Variants in PCDHGA9 observed in about 807,000 individuals in gnomAD.
PCDHGA9 encodes protocadherin gamma-A9.
A neutral mutation model predicts 62.5 loss-of-function variants in PCDHGA9; 37 were observed. That is an observed-to-expected ratio of 0.59 (90% CI 0.46 to 0.78). The LOEUF is 0.78. Among genes scored for constraint, PCDHGA9 ranks in the 30% least tolerant of loss-of-function variants. The probability of loss-of-function intolerance (pLI) is 0.00; values close to 1 mark genes in which losing one functional copy is unlikely to be tolerated. For missense variants in PCDHGA9, 1,138 were observed against 1,166.2 expected (o/e 0.98, Z 0.35); for synonymous variants, 459 against 484.6 (o/e 0.95, Z 0.69).
At chr5:141,469,373 G>A (rs532041259) in intron 1 of PCDHGA9, among the ~76,000 whole-genome samples, 3 of 151,992 alleles carry the variant, frequency 2.0e-5, no homozygotes, top group South Asian at 2.1e-4. Context: ...TAAAGAGATC[G>A]AGACCATCCT....
chr5:141,478,726 G>A, intron 1 of PCDHGA9: 2 of 1,540,996 alleles, frequency 1.3e-6, no homozygotes, highest in Non-Finnish European at 1.8e-6. Context: ...GCCTGCCAGA[G>A]TGTGGTTTGT....
intron 1 of PCDHGA9, chr5:141,433,132 T>A (rs1168186406): frequency 6.2e-7 from 1 of 1,614,122 alleles, no homozygotes; most frequent in Non-Finnish European, 8.5e-7. Context: ...GCGAGCCCCT[T>A]TTGCTGTCAG....
chr5:141,409,912 C>A (rs775668669), intron 1 of PCDHGA9: 2 of 1,613,180 alleles, frequency 1.2e-6, no homozygotes, highest in African/African-American at 2.7e-5. Flanking sequence ...TGGGTCCTGA[C>A]GGCTCCGCGT....
At chr5:141,414,439 T>A in intron 1 of PCDHGA9, 1 of 1,613,874 alleles carries the variant, frequency 6.2e-7, no homozygotes, top group East Asian at 2.2e-5. Context: ...GGTATCCTCT[T>A]ACAATATCAC....
chr5:141,422,780 T>C, intron 1 of PCDHGA9: 2 of 1,614,140 alleles, frequency 1.2e-6, no homozygotes, highest in Non-Finnish European at 1.7e-6. Context: ...CTCTATGCCC[T>C]ACAATCCTTC....
At position 141,405,201 on chromosome 5, in the gene PCDHGA9, T is replaced by C; in HGVS notation, c.2249T>C (p.Leu750Pro). ...FVGVDGVRAF[L>P]QTYSQEFSLT... Reference sequence around the variant, plus strand: ...GGTGTAGATGGGGTTCGAGCTTTCCTACAGACCTATTCTCAGGAGTTCTCC... The same window carrying C: ...GGTGTAGATGGGGTTCGAGCTTTCCCACAGACCTATTCTCAGGAGTTCTCC... Residue 750 changes from leucine to proline, a missense_variant, in exon 1 of 4, where the codon CTA becomes CCA. Transcript: ENST00000573521. 1 of 1,614,050 alleles carries C rather than the reference T, an allele frequency of 6.2e-7. No homozygotes were observed. The highest frequency in any genetic ancestry group is 8.5e-7 in the Non-Finnish European group (1 of 1,180,010).
Position 141,512,738 on chromosome 5 carries a change from C to A in PCDHGA9, c.*1565C>A, listed in dbSNP as rs1350606944. 2 of 152,840 alleles carry A rather than the reference C, an allele frequency of 1.3e-5. No individual in the cohort carries two copies. The highest frequency in any genetic ancestry group is 2.1e-4 in the South Asian group (1 of 4,838). The allele number at this position is 152,840 out of a possible 1,614,324, so 9.5% of individuals were successfully genotyped here. A position where few individuals can be genotyped will look rare whatever the true frequency, so the allele number is the denominator to read the frequency against. On this transcript the variant is annotated 3_prime_UTR_variant, in exon 4 of 4. Transcript: ENST00000573521. ...TGGCGGGTGGGCAGCGGGCGGCGGG[C>A]TCCGCGCAGCCGTCTGTCCTTGATC...
intron 1 of PCDHGA9, chr5:141,410,799 C>T: frequency 2.9e-5 from 16 of 560,592 alleles, no homozygotes; most frequent in South Asian, 8.0e-5. Context: ...ATAAGTTGCT[C>T]TATCTTTTTG....
intron 1 of PCDHGA9, chr5:141,442,382 T>C (rs1256682275): frequency 6.6e-6 from 1 of 152,290 alleles, no homozygotes; most frequent in East Asian, 1.9e-4. Flanking sequence ...CTACCAGGTG[T>C]GTGCTTCTCC....
intron 1 of PCDHGA9, among the ~76,000 whole-genome samples, chr5:141,455,250 A>C (rs1016027355): frequency 2.0e-5 from 3 of 152,172 alleles, no homozygotes; most frequent in Non-Finnish European, 2.9e-5. Flanking sequence ...GTCATAGTAC[A>C]ATCGCATTTC....
chr5:141,446,482 CT>C (rs112180482), intron 1 of PCDHGA9, among the ~76,000 whole-genome samples: 30,290 of 146,632 alleles, frequency 0.21, 3,322 homozygotes, highest in African/African-American at 0.31. Flanking sequence ...GGTCATCATT[CT>C]TTTTTTTTTT....
rs572457971 is a variant in PCDHGA9, at chr5:141,426,319, C to T, written c.2424+20943C>T. The T allele has an allele frequency of 1.5e-3, 257 of 175,598 alleles. 1 individual carries two copies. Among genetic ancestry groups the T allele is most frequent in the Non-Finnish European group, 1.2e-3 (99 of 79,820 alleles). 10.9% of individuals were successfully genotyped at this position (175,598 alleles called of 1,614,324 possible). ...CAGGGTGAAGCAGAGAAGCAGGACC[C>T]GGCAGTGGCAAGCACTCTTCCCTTT... is the stretch of plus-strand genomic sequence containing the variant. On this transcript the variant is annotated intron_variant, in intron 1 of 3. Coordinates refer to ENST00000573521, the MANE Select transcript of PCDHGA9 (RefSeq NM_018921.3).
At position 141,427,172 on chromosome 5, in the gene PCDHGA9, TG is replaced by T. The variant is rs757372749; in HGVS notation, c.2424+21800del. ...ATATGTTTGTGCTAGACCATCAAAA[TG>T]GGGAAATTAAATCCAAAGACTTAAT... On this transcript the variant is annotated intron_variant, in intron 1 of 3. Coordinates refer to ENST00000573521, the MANE Select transcript of PCDHGA9 (RefSeq NM_018921.3). The T allele has an allele frequency of 3.9e-5, 18 of 456,596 alleles. 1 individual carries two copies. The highest frequency in any genetic ancestry group is 2.6e-4 in the South Asian group (17 of 64,568). 28.3% of individuals were successfully genotyped at this position (456,596 alleles called of 1,614,324 possible). A position where few individuals can be genotyped will look rare whatever the true frequency, so the allele number is the denominator to read the frequency against.
chr5:141,420,507 A>G (rs548077936), intron 1 of PCDHGA9: 1 of 428,282 alleles, frequency 2.3e-6, no homozygotes, highest in African/African-American at 2.0e-5. Context: ...TGACATTTTT[A>G]TGAAGTAAAA....
At chr5:141,408,478 T>C (rs1433834175) in intron 1 of PCDHGA9, 1 of 1,614,056 alleles carries the variant, frequency 6.2e-7, no homozygotes, top group Non-Finnish European at 8.5e-7. Context: ...GAATAGACCG[T>C]GAGCAAATAT....
chr5:141,449,098 G>A (rs1314761371), intron 1 of PCDHGA9, among the ~76,000 whole-genome samples: 1 of 152,140 alleles, frequency 6.6e-6, no homozygotes, highest in Admixed American at 6.5e-5. Context: ...TTTTACATAT[G>A]CAGTATATCT....
At chr5:141,426,916 A>T (rs1227752756) in intron 1 of PCDHGA9, 2 of 456,618 alleles carry the variant, frequency 4.4e-6, no homozygotes, top group Non-Finnish European at 4.4e-6. Context: ...CTGGTCCTGG[A>T]AGCAATGGAC....
chr5:141,417,682 AAAAG>A (rs2096147308), intron 1 of PCDHGA9: 2 of 1,035,494 alleles, frequency 1.9e-6, no homozygotes, highest in Non-Finnish European at 2.7e-6. Context: ...CCAACAACAG[AAAAG>A]AAAACCAGCT....
chr5:141,420,176 C>CA (rs1162032152), intron 1 of PCDHGA9: 5 of 1,613,874 alleles, frequency 3.1e-6, no homozygotes, highest in Non-Finnish European at 4.2e-6. Flanking sequence ...ATCTGTTGAT[C>CA]ATTGTCCAGC....
Sources: gnomAD v4.1 joint callset for allele counts (sites outside exome capture counted in the v4.1 genomes callset) on GRCh38, gnomAD v4.1.1 for gene constraint, MANE v1.5 for transcripts, NCBI Gene and HGNC (gene_info 2026-07-23, HGNC 2026-07-21) for gene names.